Variants in CNTN1 observed in about 807,000 individuals in gnomAD.
CNTN1 encodes the protein contactin 1, also known as contactin-1.
CNTN1 carries 38 observed loss-of-function variants against 126.4 expected under a neutral mutation model. The observed-to-expected ratio is 0.30, with a 90% CI of 0.23 to 0.39. The LOEUF (loss-of-function observed/expected upper bound fraction) is 0.39. CNTN1 is among the 10% of genes least tolerant of loss of function. The pLI is 1.00. For synonymous variants in CNTN1, 413 were observed against 422.6 expected (o/e 0.98, Z 0.28); for missense variants, 1,009 against 1,248.4 (o/e 0.81, Z 2.89).
In CNTN1 at chr12:40,748,098, C is replaced by T. The variant is rs147033302; in HGVS notation, c.-77+55506C>T. 4.9e-4 allele frequency among the ~76,000 whole-genome samples: 75 copies of T among 152,088 alleles called. 1 individual carries two copies. The highest frequency in any genetic ancestry group is 1.7e-3 in the African/African-American group (72 of 41,508). The stretch of plus-strand genomic sequence containing the variant: ...GGAATGTACAATTTGGTGCTTTAGG[C>T]AGTGGTTTTTAGTATGTTTTGAGGG... On this transcript the variant is annotated intron_variant, in intron 1 of 23. Coordinates refer to ENST00000551295, the MANE Select transcript of CNTN1 (RefSeq NM_001843.4).
chr12:40,775,675 T>C lies in CNTN1; in HGVS notation c.-77+83083T>C, dbSNP rs1939550030. Among the ~76,000 whole-genome samples the C allele has an allele frequency of 2.6e-5, 4 of 151,600 alleles. No individual in the cohort carries two copies. In the South Asian group the frequency reaches 8.3e-4, roughly 31 times the overall value. ...AAACTAAAGTGTACAAATACATAAA[T>C]CCATGAGTTTAAAGAAAGACAGTAG... On this transcript the variant is annotated intron_variant, in intron 1 of 23. Transcript: ENST00000551295.
At chr12:40,894,744 A>C (rs1340061772) in intron 1 of CNTN1, among the ~76,000 whole-genome samples, 3 of 152,188 alleles carry the variant, frequency 2.0e-5, no homozygotes, top group Non-Finnish European at 2.9e-5. Context: ...ATAATATATA[A>C]TGCTGGCTTC....
At position 41,070,311 on chromosome 12, in the gene CNTN1, T is replaced by C. The variant is rs745424277; in HGVS notation, c.*276T>C. ...ACCTGATTCTGTGACAGTTGCATGATTTAACCCAATGGGACAAGTTACAGT... is the reference window on the plus strand; with the variant it reads ...ACCTGATTCTGTGACAGTTGCATGACTTAACCCAATGGGACAAGTTACAGT... On this transcript the variant is annotated 3_prime_UTR_variant, in exon 24 of 24. Coordinates refer to ENST00000551295, the MANE Select transcript of CNTN1 (RefSeq NM_001843.4). The C allele has an allele frequency of 4.8e-5, 23 of 480,982 alleles. No homozygotes were observed. The highest frequency in any genetic ancestry group is 3.8e-6 in the Non-Finnish European group (1 of 262,748). 29.8% of individuals were successfully genotyped at this position (480,982 alleles called of 1,614,324 possible).
chr12:40,823,770 C>T (rs966253017), intron 1 of CNTN1, among the ~76,000 whole-genome samples: 1 of 152,148 alleles, frequency 6.6e-6, no homozygotes, highest in Non-Finnish European at 1.5e-5. Context: ...TATTCAACTA[C>T]AGACTCATTA....
intron 1 of CNTN1, among the ~76,000 whole-genome samples, chr12:40,699,023 AG>A (rs1216180120): frequency 6.6e-6 from 1 of 152,090 alleles, no homozygotes; most frequent in Non-Finnish European, 1.5e-5. Flanking sequence ...GCCTTGGGTC[AG>A]GTGCCACCAT....
chr12:40,970,216 C>G (rs1947457249), intron 15 of CNTN1, among the ~76,000 whole-genome samples: 1 of 151,962 alleles, frequency 6.6e-6, no homozygotes, highest in African/African-American at 2.4e-5. Flanking sequence ...AGGAAGGCTC[C>G]CTTGGTGACT....
At chr12:40,934,095 A>T (rs1011731931) in intron 9 of CNTN1, among the ~76,000 whole-genome samples, 2 of 152,126 alleles carry the variant, frequency 1.3e-5, no homozygotes, top group African/African-American at 4.8e-5. Flanking sequence ...CATAGGTAAT[A>T]GCAATAGATT....
rs895881257 is a variant in CNTN1, at chr12:40,873,780, AT to A, written c.-76-34568del. Among the ~76,000 whole-genome samples the A allele has an allele frequency of 9.7e-3, 1,462 of 151,232 alleles. 17 individuals are homozygous for A. Among genetic ancestry groups the A allele is most frequent in the African/African-American group, 0.032 (1,320 of 41,242 alleles). Reference sequence around the variant, plus strand: ...ATTTCTCCACTCTTTCATCCTCTACATTTTTTTTTGTCAGTTTATTACTCTG... The same window carrying A: ...ATTTCTCCACTCTTTCATCCTCTACATTTTTTTTGTCAGTTTATTACTCTG... On this transcript the variant is annotated intron_variant, in intron 1 of 23. Coordinates refer to ENST00000551295, the MANE Select transcript of CNTN1 (RefSeq NM_001843.4).
chr12:40,799,245 TG>T (rs1247374817), intron 1 of CNTN1, among the ~76,000 whole-genome samples: 1 of 151,346 alleles, frequency 6.6e-6, no homozygotes, highest in East Asian at 1.9e-4. Context: ...TTTAATTAAT[TG>T]ATATTTTTAT....
chr12:40,959,715 G>T (rs145918020), intron 15 of CNTN1, among the ~76,000 whole-genome samples: 1 of 151,786 alleles, frequency 6.6e-6, no homozygotes, highest in Non-Finnish European at 1.5e-5. Context: ...TAGTGTTTTC[G>T]TTCTTATGAA....
intron 1 of CNTN1, among the ~76,000 whole-genome samples, chr12:40,853,909 G>A (rs1019184136): frequency 6.6e-6 from 1 of 151,228 alleles, no homozygotes; most frequent in Admixed American, 6.6e-5. Context: ...TGCCTCAGTA[G>A]TGAAAAAATG....
At chr12:40,982,433 C>G (rs1947843757) in intron 16 of CNTN1, among the ~76,000 whole-genome samples, 1 of 151,864 alleles carries the variant, frequency 6.6e-6, no homozygotes, top group Non-Finnish European at 1.5e-5. Context: ...TTGGTTTGGC[C>G]CTGAAAAAAG....
intron 17 of CNTN1, among the ~76,000 whole-genome samples, chr12:41,001,421 A>G (rs1280910253): frequency 6.6e-6 from 1 of 152,110 alleles, no homozygotes; most frequent in African/African-American, 2.4e-5. Flanking sequence ...GTGTCTATTC[A>G]TGACCTTTGC....
intron 17 of CNTN1, among the ~76,000 whole-genome samples, chr12:41,004,700 T>TA (rs1948448618): frequency 1.3e-5 from 2 of 152,074 alleles, no homozygotes; most frequent in African/African-American, 4.8e-5. Context: ...TCCCTTGACT[T>TA]TTTTTATCTT....
intron 1 of CNTN1, among the ~76,000 whole-genome samples, chr12:40,830,597 A>C (rs1357102145): frequency 6.6e-6 from 1 of 151,094 alleles, no homozygotes; most frequent in South Asian, 2.1e-4. Flanking sequence ...AGGGTTTATA[A>C]TTTCTTTAAA....
chr12:40,729,754 A>G, intron 1 of CNTN1: 1 of 215,158 alleles, frequency 4.6e-6, no homozygotes, highest in Non-Finnish European at 9.9e-6. Flanking sequence ...GTGAAGGTGG[A>G]TGGCAGGATG....
At chr12:40,798,278 T>C (rs1264033263) in intron 1 of CNTN1, among the ~76,000 whole-genome samples, 1 of 152,012 alleles carries the variant, frequency 6.6e-6, no homozygotes, top group African/African-American at 2.4e-5. Context: ...TGAAGAGTCA[T>C]TGATTGTGTG....
intron 1 of CNTN1, among the ~76,000 whole-genome samples, chr12:40,755,190 C>CAAAAAAAAAAAAAA (rs557970110): frequency 9.0e-5 from 7 of 78,200 alleles, no homozygotes; most frequent in Admixed American, 1.8e-4. Context: ...GACCCCACCT[C>CAAAAAAAAAAAAAA]AAAAAAAAAA....
At chr12:40,898,108 A>T (rs1944477595) in intron 1 of CNTN1, among the ~76,000 whole-genome samples, 1 of 152,182 alleles carries the variant, frequency 6.6e-6, no homozygotes, top group Admixed American at 6.5e-5. Context: ...ATTTCTCAAT[A>T]AACATATTCA....
Sources: allele counts gnomAD v4.1 joint callset (sites outside exome capture counted in the v4.1 genomes callset), GRCh38; gene constraint gnomAD v4.1.1; transcripts MANE v1.5; gene names NCBI Gene and HGNC (gene_info 2026-07-23, HGNC 2026-07-21).